The following SLC17A2 variants were observed in gnomAD, a reference collection of about 807,000 sequenced individuals.
The protein encoded by SLC17A2 is solute carrier family 17 member 2.
A neutral mutation model predicts 52.1 loss-of-function variants in SLC17A2; 38 were observed. The observed-to-expected ratio is 0.73, with a 90% confidence interval of 0.56 to 0.96. The LOEUF (loss-of-function observed/expected upper bound fraction) is 0.96, where lower values mean the gene tolerates loss of function less well. SLC17A2 is among the 40% of genes least tolerant of loss of function. The pLI is 0.00. For missense variants in SLC17A2, 508 were observed against 583.9 expected, an observed-to-expected ratio of 0.87 and a Z score of 1.34; for synonymous variants, 226 against 211.9, an observed-to-expected ratio of 1.07 and a Z score of -0.58.
intron 1 of SLC17A2, among the ~76,000 whole-genome samples, chr6:25,928,997 G>A (rs1561884525): frequency 1.3e-5 from 2 of 152,066 alleles, no homozygotes; most frequent in African/African-American, 2.4e-5. Context: ...TATGGTATAC[G>A]CATAAGCAAA....
At chr6:25,923,060 C>T (rs937890564) in intron 3 of SLC17A2, among the ~76,000 whole-genome samples, 1 of 151,924 alleles carries the variant, frequency 6.6e-6, no homozygotes, top group East Asian at 1.9e-4. Flanking sequence ...GGTGGCATGC[C>T]CCCTTACTCC....
At chr6:25,919,015 T>C (rs1198510240) in intron 5 of SLC17A2, among the ~76,000 whole-genome samples, 1 of 152,204 alleles carries the variant, frequency 6.6e-6, no homozygotes, top group East Asian at 1.9e-4. Context: ...ATAAAATTGA[T>C]TGTCACTAGT....
chr6:25,914,903 C>T (rs1020439486), intron 10 of SLC17A2, among the ~76,000 whole-genome samples: 2 of 151,798 alleles, frequency 1.3e-5, no homozygotes. Context: ...CGTTTCTTTA[C>T]CCCGGCTGCT....
In SLC17A2 at chr6:25,923,864, A is replaced by G. The variant is rs1215338968; in HGVS notation, c.71T>C (p.Met24Thr). 4 of 1,614,250 alleles carry G rather than the reference A, an allele frequency of 2.5e-6. No individual in the cohort carries two copies. Among genetic ancestry groups the G allele is most frequent in the Non-Finnish European group, 3.4e-6 (4 of 1,180,040 alleles). ...CSLRYGLALIMHFSNFTMITQ... is the reference protein window; with the variant it reads ...CSLRYGLALITHFSNFTMITQ... ...TATCATGGTGAAGTTTGAGAAGTGC[A>G]TGATAAGAGCCAGCCCATAGCGTAA... The change falls in exon 3 of 12, where the codon ATG (methionine) becomes ACG (threonine). Residue 24 changes from methionine (M) to threonine (T), a missense_variant. Coordinates refer to ENST00000377850, the MANE Select transcript of SLC17A2 (RefSeq NM_001286123.3).
chr6:25,928,738 T>G (rs1766849095), intron 1 of SLC17A2, among the ~76,000 whole-genome samples: 1 of 152,156 alleles, frequency 6.6e-6, no homozygotes, highest in South Asian at 2.1e-4. Context: ...CTGGCATGGT[T>G]GATATGTACT....
At chr6:25,916,070 A>C (rs1250149683) in intron 8 of SLC17A2, among the ~76,000 whole-genome samples, 1 of 152,114 alleles carries the variant, frequency 6.6e-6, no homozygotes, top group Non-Finnish European at 1.5e-5. Context: ...AGATAAAAGC[A>C]ATATTAATTT....
intron 5 of SLC17A2, among the ~76,000 whole-genome samples, chr6:25,919,275 T>C (rs1290031135): frequency 6.6e-6 from 1 of 152,170 alleles, no homozygotes; most frequent in Non-Finnish European, 1.5e-5. Context: ...ATAATGATTT[T>C]AACCCGCTCA....
At chr6:25,916,295 C>A (rs1306892506) in intron 8 of SLC17A2, among the ~76,000 whole-genome samples, 1 of 152,124 alleles carries the variant, frequency 6.6e-6, no homozygotes, top group Non-Finnish European at 1.5e-5. Context: ...ATTGGTCAGG[C>A]TGGTCTTGCA....
intron 1 of SLC17A2, among the ~76,000 whole-genome samples, chr6:25,929,389 C>T (rs1248354448): frequency 6.6e-6 from 1 of 152,216 alleles, no homozygotes; most frequent in Non-Finnish European, 1.5e-5. Flanking sequence ...ATTCTAGATA[C>T]TAGCAACAGC....
rs772107464 is a variant in SLC17A2 at position 25,925,750 on chromosome 6, A to T, written c.28+19T>A. On this transcript the variant is annotated intron_variant, in intron 2 of 11. Coordinates refer to ENST00000377850, the MANE Select transcript of SLC17A2 (RefSeq NM_001286123.3). ...TTCAGCTTATTAACATAGCCTGCAA[A>T]CAAGAGCAGTGGCTTTACCTTTCCT... 6.2e-7 allele frequency: 1 copy of T among 1,612,046 alleles called. No homozygotes were observed. The highest frequency in any genetic ancestry group is 1.7e-5 in the Admixed American group (1 of 60,012).
intron 1 of SLC17A2, among the ~76,000 whole-genome samples, chr6:25,926,158 A>G (rs191432758): frequency 1.3e-5 from 2 of 152,334 alleles, no homozygotes; most frequent in Admixed American, 6.5e-5. Flanking sequence ...AGCTGGAAGA[A>G]TTAAATGAAA....
intron 2 of SLC17A2, 56 bp downstream of exon 2, chr6:25,925,713 G>A: frequency 6.7e-7 from 1 of 1,493,064 alleles, no homozygotes; most frequent in South Asian, 1.1e-5. Flanking sequence ...GTGTAAATGT[G>A]TCGGAATAAG....
chr6:25,915,149 G>GTATATATATATATATATATATATA lies in SLC17A2; in HGVS notation c.1211+326_1211+349dup, dbSNP rs59580107. Among the ~76,000 whole-genome samples the GTATATATATATATATATATATATA allele has an allele frequency of 3.8e-3, 222 of 57,820 alleles. 19 individuals carry two copies. Among genetic ancestry groups the GTATATATATATATATATATATATA allele is most frequent in the Non-Finnish European group, 4.7e-3 (116 of 24,572 alleles). 37.9% of individuals were successfully genotyped at this position (57,820 alleles called of 152,430 possible). Reference sequence around the variant, plus strand: ...GCACAGGAGCTGGCTTATTGTGACTGTATATATATATATATATATATATAT... The same window carrying GTATATATATATATATATATATATA: ...GCACAGGAGCTGGCTTATTGTGACTGTATATATATATATATATATATATATATATATATATATATATATATATAT... On this transcript the variant is annotated intron_variant, in intron 10 of 11. Coordinates refer to ENST00000377850, the MANE Select transcript of SLC17A2 (RefSeq NM_001286123.3).
At chr6:25,922,444 A>G (rs1000946174) in intron 3 of SLC17A2, among the ~76,000 whole-genome samples, 3 of 152,236 alleles carry the variant, frequency 2.0e-5, no homozygotes, top group Non-Finnish European at 4.4e-5. Flanking sequence ...TCCATGGGTC[A>G]TTGATAGCAG....
Position 25,916,572 on chromosome 6 carries a change from T to C in SLC17A2, c.930+113A>G, listed in dbSNP as rs1766325087. 9.3e-6 allele frequency: 8 copies of C among 857,200 alleles called. No individual in the cohort carries two copies. The South Asian group carries it at 9.8e-5, about 11-fold the overall frequency. The allele number at this position is 857,200 out of a possible 1,614,324, so 53.1% of individuals were successfully genotyped here. A position where few individuals can be genotyped will look rare whatever the true frequency, so the allele number is the denominator to read the frequency against. Reference sequence around the variant, plus strand: ...TATAACAATGCCTCTCTCAAGGTCATTGTGAAGGTTAAATTAATGGTTATA... The same window carrying C: ...TATAACAATGCCTCTCTCAAGGTCACTGTGAAGGTTAAATTAATGGTTATA... On this transcript the variant is annotated intron_variant, in intron 8 of 11. Transcript: ENST00000377850.
chr6:25,926,014 G>A (rs1417917282), intron 1 of SLC17A2, 135 bp from the exon 2 acceptor site: 1 of 603,274 alleles, frequency 1.7e-6, no homozygotes, highest in Non-Finnish European at 3.0e-6. Flanking sequence ...CTACTGGTAT[G>A]CTTTTGGTTA....
At chr6:25,924,095 T>C (rs1478651664) in intron 2 of SLC17A2, among the ~76,000 whole-genome samples, 189 bp from the exon 3 acceptor site, 1 of 152,196 alleles carries the variant, frequency 6.6e-6, no homozygotes, top group African/African-American at 2.4e-5. Flanking sequence ...ACAGCGAATA[T>C]GGGATCTTAT....
intron 3 of SLC17A2, among the ~76,000 whole-genome samples, chr6:25,922,008 C>A (rs1766579257): frequency 6.7e-6 from 1 of 148,276 alleles, no homozygotes. Context: ...GAATATTTAC[C>A]TAAAAATAAA....
Position 25,915,730 on chromosome 6 carries a change from C to A in SLC17A2, c.1063+6G>T. 1 of 1,613,936 alleles carries A rather than the reference C, an allele frequency of 6.2e-7. No homozygotes were observed. The highest frequency in any genetic ancestry group is 8.5e-7 in the Non-Finnish European group (1 of 1,179,966). The stretch of plus-strand genomic sequence containing the variant: ...TGGTTAAATGGGCCCACACGCTTAT[C>A]CTTACCAAGAGATGAAAAGAGCTTT... On this transcript the variant is annotated splice_donor_region_variant and intron_variant, in intron 9 of 11. Coordinates refer to ENST00000377850, the MANE Select transcript of SLC17A2 (RefSeq NM_001286123.3).
Sources: gnomAD v4.1 joint callset for allele counts (sites outside exome capture counted in the v4.1 genomes callset) on GRCh38, gnomAD v4.1.1 for gene constraint, MANE v1.5 for transcripts, NCBI Gene and HGNC (gene_info 2026-07-23, HGNC 2026-07-21) for gene names.